VPS13B: variants seen among roughly 807,000 people sequenced by gnomAD.
The protein encoded by VPS13B is intermembrane lipid transfer protein VPS13B.
A neutral mutation model predicts 426.4 loss-of-function variants in VPS13B; 285 were observed. The observed-to-expected ratio is 0.67, with a 90% confidence interval of 0.61 to 0.74. The LOEUF is 0.74. Among genes scored for constraint, VPS13B ranks in the 30% least tolerant of loss-of-function variants. VPS13B has a pLI of 0.00. For synonymous variants in VPS13B, 1,676 were observed against 1,676.4 expected (o/e 1.00, Z 0.01); for missense variants, 4,537 against 4,782.6 (o/e 0.95, Z 1.51).
intron 16 of VPS13B, among the ~76,000 whole-genome samples, chr8:99,185,200 T>A (rs531832362): frequency 1.3e-5 from 2 of 152,356 alleles, no homozygotes; most frequent in African/African-American, 4.8e-5. Flanking sequence ...TATGTGTATA[T>A]TCTCATTAAA....
At chr8:99,361,147 G>A (rs1287630824) in intron 19 of VPS13B, among the ~76,000 whole-genome samples, 2 of 152,124 alleles carry the variant, frequency 1.3e-5, no homozygotes, top group Non-Finnish European at 2.9e-5. Flanking sequence ...ATAAGCACTG[G>A]ATAAATAATG....
intron 44 of VPS13B, among the ~76,000 whole-genome samples, chr8:99,811,996 T>C (rs2130793285): frequency 6.6e-6 from 1 of 152,340 alleles, no homozygotes; most frequent in African/African-American, 2.4e-5. Flanking sequence ...CATTCTTGAA[T>C]AGATACTATA....
At chr8:99,376,667 C>CAA (rs1477891520) in intron 19 of VPS13B, among the ~76,000 whole-genome samples, 2 of 152,042 alleles carry the variant, frequency 1.3e-5, no homozygotes, top group Non-Finnish European at 2.9e-5. Context: ...TCATTGAACA[C>CAA]ATTTAGTTTT....
rs1289673718 is a variant in VPS13B at position 99,505,361 on chromosome 8, T to G, written c.4158-1776T>G. ...ATGCCTTCCTCACTAAGCTTAATCA[T>G]TTTTAGATTTTTATTTAAAGTGAGA... On this transcript the variant is annotated intron_variant, in intron 27 of 61. Transcript: ENST00000357162. 2.6e-5 allele frequency among the ~76,000 whole-genome samples: 4 copies of G among 152,222 alleles called. No individual in the cohort carries two copies. The East Asian group carries it at 7.7e-4, about 29-fold the overall frequency.
At chr8:99,652,236 T>A (rs1006384908) in intron 34 of VPS13B, among the ~76,000 whole-genome samples, 1 of 152,136 alleles carries the variant, frequency 6.6e-6, no homozygotes, top group Admixed American at 6.6e-5. Context: ...CTGATTCTAC[T>A]CCTTACAGCT....
At chr8:99,082,101 C>G (rs1334996833) in intron 3 of VPS13B, among the ~76,000 whole-genome samples, 5 of 152,192 alleles carry the variant, frequency 3.3e-5, no homozygotes, top group African/African-American at 1.2e-4. Context: ...GTTCCTGTTT[C>G]TCCACATCCT....
intron 21 of VPS13B, among the ~76,000 whole-genome samples, chr8:99,395,395 C>T (rs908768893): frequency 1.3e-5 from 2 of 152,194 alleles, no homozygotes; most frequent in Non-Finnish European, 2.9e-5. Context: ...CTTAATGATT[C>T]CCATCCTTAC....
chr8:99,100,831 A>C (rs1454842470), intron 4 of VPS13B, among the ~76,000 whole-genome samples: 2 of 151,950 alleles, frequency 1.3e-5, no homozygotes, highest in East Asian at 2.0e-4. Context: ...TCACGAGGTC[A>C]GGAGTTCGAG....
chr8:99,553,561 A>T (rs967168778), intron 30 of VPS13B, among the ~76,000 whole-genome samples: 1 of 152,088 alleles, frequency 6.6e-6, no homozygotes, highest in Non-Finnish European at 1.5e-5. Flanking sequence ...TAGTTTTTCA[A>T]TTACACATAT....
chr8:99,637,198 A>G (rs1006217391), intron 33 of VPS13B, among the ~76,000 whole-genome samples: 1 of 152,082 alleles, frequency 6.6e-6, no homozygotes, highest in Non-Finnish European at 1.5e-5. Flanking sequence ...TTTAGGGCCC[A>G]GCACACATAA....
At chr8:99,146,118 G>T (rs1266786751) in intron 13 of VPS13B, among the ~76,000 whole-genome samples, 1 of 146,110 alleles carries the variant, frequency 6.8e-6, no homozygotes, top group Non-Finnish European at 1.5e-5. Flanking sequence ...TATTTCTTCA[G>T]TGAACTGCAT....
intron 2 of VPS13B, among the ~76,000 whole-genome samples, chr8:99,031,135 T>C (rs1842492558): frequency 6.6e-6 from 1 of 152,140 alleles, no homozygotes; most frequent in African/African-American, 2.4e-5. Flanking sequence ...AAAAGACTTA[T>C]GTTCAAGTTC....
At chr8:99,151,636 C>T (rs544865192) in intron 14 of VPS13B, among the ~76,000 whole-genome samples, 6 of 152,036 alleles carry the variant, frequency 3.9e-5, no homozygotes, top group African/African-American at 1.2e-4. Flanking sequence ...CGGGTTCAAG[C>T]GATTCTCCTT....
intron 13 of VPS13B, 51 bp downstream of exon 13, chr8:99,143,216 T>G: frequency 6.2e-7 from 1 of 1,608,836 alleles, no homozygotes; most frequent in Non-Finnish European, 8.5e-7. Context: ...TTGAGAATAA[T>G]TATATAATCC....
At chr8:99,244,601 C>T (rs1588169638) in intron 17 of VPS13B, among the ~76,000 whole-genome samples, 1 of 152,166 alleles carries the variant, frequency 6.6e-6, no homozygotes, top group South Asian at 2.1e-4. Flanking sequence ...CTCACATTTT[C>T]GCCTTGGAGT....
intron 2 of VPS13B, among the ~76,000 whole-genome samples, chr8:99,037,780 T>G (rs1842811927): frequency 6.6e-6 from 1 of 152,030 alleles, no homozygotes; most frequent in Non-Finnish European, 1.5e-5. Flanking sequence ...CAGAAAACAT[T>G]TAAAATTTAT....
At chr8:99,674,748 T>C (rs532276491) in intron 35 of VPS13B, among the ~76,000 whole-genome samples, 1 of 152,190 alleles carries the variant, frequency 6.6e-6, no homozygotes, top group African/African-American at 2.4e-5. Context: ...TGCATGGTTA[T>C]CATGAGGCAT....
At chr8:99,716,818 C>A (rs1025533128) in intron 36 of VPS13B, among the ~76,000 whole-genome samples, 1 of 152,164 alleles carries the variant, frequency 6.6e-6, no homozygotes, top group Non-Finnish European at 1.5e-5. Flanking sequence ...ATTACCCTTT[C>A]CCATCATGTT....
In VPS13B at chr8:99,135,876, C is replaced by T. The variant is rs879751009; in HGVS notation, c.1563+143C>T. 2.2e-4 allele frequency: 250 copies of T among 1,159,916 alleles called. 1 individual carries two copies. The highest frequency in any genetic ancestry group is 2.9e-4 in the Non-Finnish European group (237 of 816,302). 71.9% of individuals were successfully genotyped at this position (1,159,916 alleles called of 1,614,324 possible). ...TTAAAACATTTAGAATGCATTTATA[C>T]AGTATACATGTAGAAATGTTTGAGG... On this transcript the variant is annotated intron_variant, in intron 11 of 61. Coordinates refer to ENST00000357162, the MANE Select transcript of VPS13B (RefSeq NM_152564.5).
Sources: gnomAD v4.1 joint callset for allele counts (sites outside exome capture counted in the v4.1 genomes callset) on GRCh38, gnomAD v4.1.1 for gene constraint, MANE v1.5 for transcripts, NCBI Gene and HGNC (gene_info 2026-07-23, HGNC 2026-07-21) for gene names.